PHC3: variants seen among roughly 807,000 people sequenced by gnomAD.
PHC3 encodes polyhomeotic homolog 3, also known as polyhomeotic-like protein 3.
A neutral mutation model predicts 107.4 loss-of-function variants in PHC3; 13 were observed. The ratio of observed to expected loss-of-function variants is 0.12; its 90% CI spans 0.08 to 0.19. PHC3 has a LOEUF of 0.19. PHC3 is among the 10% of genes least tolerant of loss of function. PHC3 has a pLI of 1.00. For synonymous variants in PHC3, 456 were observed against 427.4 expected (o/e 1.07, Z -0.83); for missense variants, 992 against 1,210.9 (o/e 0.82, Z 2.68).
chr3:170,179,669 G>A (rs1042610083), intron 1 of PHC3, among the ~76,000 whole-genome samples: 4 of 152,134 alleles, frequency 2.6e-5, no homozygotes, highest in Non-Finnish European at 5.9e-5. Flanking sequence ...ACTTCCTCAT[G>A]TATGGACAGT....
intron 4 of PHC3, among the ~76,000 whole-genome samples, chr3:170,152,539 T>C (rs562616248): frequency 1.1e-4 from 17 of 151,946 alleles, no homozygotes; most frequent in Non-Finnish European, 1.6e-4. Flanking sequence ...ACCTTAACAA[T>C]AGTCACCAAC....
chr3:170,178,834 G>C lies in PHC3; in HGVS notation c.119C>G (p.Ser40Cys). 1 of 1,614,026 alleles carries C rather than the reference G, an allele frequency of 6.2e-7. No individual in the cohort carries two copies. The highest frequency in any genetic ancestry group is 8.5e-7 in the Non-Finnish European group (1 of 1,179,890). The change falls in exon 2 of 15, where the codon TCC becomes TGC. Residue 40 changes from serine (S) to cysteine (C), a missense_variant. Physicochemically the swap from Ser to Cys is moderately radical, Grantham distance 112 (BLOSUM62 -1). Transcript: ENST00000495893. ...GATCTGTGGCTGCTGCATTCGAGAG[G>C]AGGAAGTGGTGATGGTGGTGGTGGT... ...STTTTTITTSSSRMQQPQISV... is the reference protein window; with the variant it reads ...STTTTTITTSCSRMQQPQISV...
At chr3:170,114,665 C>G (rs1304795845) in intron 10 of PHC3, among the ~76,000 whole-genome samples, 1 of 152,072 alleles carries the variant, frequency 6.6e-6, no homozygotes, top group African/African-American at 2.4e-5. Flanking sequence ...GGAATACTAC[C>G]TATTTTAGAA....
chr3:170,166,773 TCCTG>T (rs1346996656), intron 4 of PHC3, among the ~76,000 whole-genome samples: 2 of 152,242 alleles, frequency 1.3e-5, no homozygotes, highest in African/African-American at 4.8e-5. Context: ...CAAGCAATTC[TCCTG>T]CCTCAGCCTC....
At chr3:170,105,660 A>G (rs1249489725) in intron 12 of PHC3, among the ~76,000 whole-genome samples, 1 of 152,212 alleles carries the variant, frequency 6.6e-6, no homozygotes, top group Non-Finnish European at 1.5e-5. Context: ...TGCTAGAACC[A>G]TTCCAATTCT....
At chr3:170,111,305 G>GAACGAACGAAC (rs1560033238) in intron 11 of PHC3, among the ~76,000 whole-genome samples, 1 of 95,420 alleles carries the variant, frequency 1.0e-5, no homozygotes, top group Non-Finnish European at 2.2e-5. Flanking sequence ...AAGGAAGGAA[G>GAACGAACGAAC]GAAGGAAGGA....
chr3:170,169,268 G>A (rs1729217989), intron 4 of PHC3, among the ~76,000 whole-genome samples: 1 of 152,056 alleles, frequency 6.6e-6, no homozygotes, highest in South Asian at 2.1e-4. Flanking sequence ...TTCTTCTGGA[G>A]AATGGACCCT....
At chr3:170,173,742 C>T (rs1729977489) in intron 2 of PHC3, among the ~76,000 whole-genome samples, 1 of 152,054 alleles carries the variant, frequency 6.6e-6, no homozygotes, top group African/African-American at 2.4e-5. Flanking sequence ...GAGTAAGATA[C>T]CATTTTTATA....
At chr3:170,110,471 G>A (rs1195453438) in intron 11 of PHC3, among the ~76,000 whole-genome samples, 1 of 152,070 alleles carries the variant, frequency 6.6e-6, no homozygotes, top group Non-Finnish European at 1.5e-5. Context: ...CTAAATCTAT[G>A]CATTAAATCC....
chr3:170,149,119 T>C lies in PHC3; in HGVS notation c.540A>G (p.Ala180=), dbSNP rs1215427376. ...CTCGGAGATACATTTGAGCTTGGCT[T>C]GCCGTTAGGGTAGGGGAAGTACTCC... is the stretch of plus-strand genomic sequence containing the variant. ...LLGSTSPTLT[A]SQAQMYLRAQ... The change falls in exon 5 of 15, where the codon GCA becomes GCG. Residue 180 remains alanine, a synonymous_variant. Transcript: ENST00000495893. 1.2e-6 allele frequency: 2 copies of C among 1,613,126 alleles called. No individual in the cohort carries two copies. Among genetic ancestry groups the C allele is most frequent in the Non-Finnish European group, 1.7e-6 (2 of 1,179,738 alleles).
rs771702686 is a variant in PHC3, at chr3:170,102,609, T to C, written c.2703A>G (p.Glu901=). 1 of 1,613,974 alleles carries C rather than the reference T, an allele frequency of 6.2e-7. No homozygotes were observed. The highest frequency in any genetic ancestry group is 1.1e-5 in the South Asian group (1 of 91,084). Residue 901 remains glutamate, a synonymous_variant, in exon 14 of 15, where the codon GAA becomes GAG. Transcript: ENST00000495893. ...TTRLRRQSER[E]RERELRDVRI... ...TCACATCCCGAAGCTCACGTTCTCT[T>C]TCCCGCTCGCTCTGCCTGCGCAGAC...
intron 2 of PHC3, among the ~76,000 whole-genome samples, chr3:170,175,898 T>C (rs1354574389): frequency 7.1e-6 from 1 of 140,872 alleles, no homozygotes; most frequent in African/African-American, 2.7e-5. Flanking sequence ...CACTCCAGCG[T>C]GGGCTACAGG....
Position 170,149,011 on chromosome 3 carries a change from A to C in PHC3, c.573+75T>G, listed in dbSNP as rs762297393. The C allele has an allele frequency of 1.2e-5, 17 of 1,404,228 alleles. No individual in the cohort carries two copies. In the East Asian group the frequency reaches 4.0e-4, roughly 33 times the overall value. The allele number at this position is 1,404,228 out of a possible 1,614,324, so 87.0% of individuals were successfully genotyped here. A position where few individuals can be genotyped will look rare whatever the true frequency, so the allele number is the denominator to read the frequency against. ...TTCTTAAATATTAAAAATACCTCTT[A>C]TTGTATCAAATCAAGAAACATTTTG... On this transcript the variant is annotated intron_variant, in intron 5 of 14. Transcript: ENST00000495893.
intron 10 of PHC3, chr3:170,116,985 T>TA: frequency 2.0e-6 from 1 of 489,552 alleles, no homozygotes; most frequent in Non-Finnish European, 3.6e-6. Context: ...CTAAAAATTA[T>TA]AAAAATATGT....
At chr3:170,109,457 C>T (rs1270539169) in intron 11 of PHC3, among the ~76,000 whole-genome samples, 1 of 152,066 alleles carries the variant, frequency 6.6e-6, no homozygotes, top group Non-Finnish European at 1.5e-5. Context: ...CTTGAGTGCC[C>T]AATACTAAGG....
At position 170,138,586 on chromosome 3, in the gene PHC3, A is replaced by G. The variant is rs1216148582; in HGVS notation, c.673-1921T>C. ...GTGCCTGTAGTCCCAGCAGCCCAGG[A>G]GGCTGAGGCAGGAGAATTGCTTGAA... is the stretch of plus-strand genomic sequence containing the variant. On this transcript the variant is annotated intron_variant, in intron 6 of 14. Coordinates refer to ENST00000495893, the MANE Select transcript of PHC3 (RefSeq NM_024947.4). Among the ~76,000 whole-genome samples, 5 of 148,694 alleles carry G rather than the reference A, an allele frequency of 3.4e-5. No individual in the cohort carries two copies. In the East Asian group the frequency reaches 1.0e-3, roughly 31 times the overall value.
Position 170,097,245 on chromosome 3 carries a change from A to G in PHC3, c.2973T>C (p.Ser991=). 2 of 1,603,546 alleles carry G rather than the reference A, an allele frequency of 1.2e-6. No individual in the cohort carries two copies. The highest frequency in any genetic ancestry group is 1.1e-5 in the South Asian group (1 of 89,948). The change falls in exon 15 of 15, where the codon TCT becomes TCC. Residue 991 remains serine, a synonymous_variant. Coordinates refer to ENST00000495893, the MANE Select transcript of PHC3 (RefSeq NM_024947.4). The surrounding 1 kb of genome is among the most constrained non-coding windows in gnomAD (Gnocchi z 4.1). ...PALKICARIN[S]LKES is the part of the protein sequence containing the mutation. ...CATGTTCCTGTTAAGATTCCTTCAG[A>G]GAGTTGATGCGTGCACAGATCTTCA...
chr3:170,181,624 G>A, intron 1 of PHC3, 78 bp downstream of exon 1: 1 of 1,603,992 alleles, frequency 6.2e-7, no homozygotes, highest in Non-Finnish European at 8.5e-7. Flanking sequence ...AGAGCCCTGA[G>A]CTTTCCCCTG....
chr3:170,148,838 CTT>C (rs550788121), intron 5 of PHC3: 130 of 349,514 alleles, frequency 3.7e-4, no homozygotes, highest in African/African-American at 2.3e-3. Context: ...AATAATCACT[CTT>C]ACGTTACTGA....
Sources: allele counts gnomAD v4.1 joint callset (sites outside exome capture counted in the v4.1 genomes callset), GRCh38; gene constraint gnomAD v4.1.1; non-coding constraint Gnocchi (gnomAD v3.1); transcripts MANE v1.5; gene names NCBI Gene and HGNC (gene_info 2026-07-23, HGNC 2026-07-21).